Variants in TAF8 observed in about 807,000 individuals in gnomAD.
The protein encoded by TAF8 is transcription initiation factor TFIID subunit 8.
TAF8 carries 47 observed loss-of-function variants against 36.5 expected under a neutral mutation model. That is an observed-to-expected ratio of 1.29 (90% CI 1.02 to 1.64). The LOEUF (loss-of-function observed/expected upper bound fraction) is 1.64. Ranked by LOEUF, TAF8 falls within the 40% of genes most tolerant of loss-of-function variation. The pLI is 0.00. For synonymous variants in TAF8, 175 were observed against 159.5 expected (o/e 1.10, Z -0.73); for missense variants, 420 against 407.6 (o/e 1.03, Z -0.26).
chr6:42,050,839 G>T, intron 1 of TAF8: 1 of 999,796 alleles, frequency 1.0e-6, no homozygotes, highest in Non-Finnish European at 1.3e-6. Context: ...TTGGTCTGAA[G>T]ATGCCGTTTT....
chr6:42,080,559 A>G lies in TAF8; in HGVS notation c.*3014A>G. ...GGCTAATTTTTTTTGTATTTTTGGT[A>G]GAGACGGGGTTTCACCAGGTTGGCC... On this transcript the variant is annotated 3_prime_UTR_variant, in exon 9 of 9. Transcript: ENST00000372977. 1 of 500,408 alleles carries G rather than the reference A, an allele frequency of 2.0e-6. No individual in the cohort carries two copies. Among genetic ancestry groups the G allele is most frequent in the Non-Finnish European group, 2.6e-6 (1 of 387,352 alleles). 31.0% of individuals were successfully genotyped at this position (500,408 alleles called of 1,614,324 possible). A position where few individuals can be genotyped will look rare whatever the true frequency, so the allele number is the denominator to read the frequency against.
At chr6:42,054,502 C>T (rs1351112149) in intron 2 of TAF8, among the ~76,000 whole-genome samples, 1 of 152,192 alleles carries the variant, frequency 6.6e-6, no homozygotes, top group Non-Finnish European at 1.5e-5. Context: ...CCCCTCCATC[C>T]CCTGGTAACT....
intron 5 of TAF8, among the ~76,000 whole-genome samples, chr6:42,058,980 T>C (rs1259392018): frequency 1.3e-5 from 2 of 152,160 alleles, no homozygotes; most frequent in Non-Finnish European, 2.9e-5. Context: ...AGTTTTATTA[T>C]TACTCAAATC....
intron 2 of TAF8, among the ~76,000 whole-genome samples, chr6:42,054,302 G>C (rs776178534): frequency 6.6e-6 from 1 of 152,132 alleles, no homozygotes; most frequent in Non-Finnish European, 1.5e-5. Context: ...CAGAGAATAA[G>C]ACCTTTTTGT....
chr6:42,084,494 C>T (rs1221820236), downstream of TAF8, among the ~76,000 whole-genome samples: 2 of 152,132 alleles, frequency 1.3e-5, no homozygotes, highest in African/African-American at 4.8e-5. Context: ...GCTGGAGTCT[C>T]GCTCAGTCAC....
chr6:42,075,327 G>A (rs76562503), intron 7 of TAF8, among the ~76,000 whole-genome samples: 3,210 of 152,248 alleles, frequency 0.021, 111 homozygotes, highest in African/African-American at 0.071. Context: ...AGTGGCTCTG[G>A]GTCACCTTGT....
chr6:42,067,241 C>CA (rs1311428350), intron 6 of TAF8, among the ~76,000 whole-genome samples: 2 of 152,180 alleles, frequency 1.3e-5, no homozygotes, highest in African/African-American at 4.8e-5. Flanking sequence ...TTTTTTGAGA[C>CA]AGAGTCTTGC....
At chr6:42,084,709 T>C (rs554588964), downstream of TAF8, among the ~76,000 whole-genome samples, 153 of 152,274 alleles carry the variant, frequency 1.0e-3, 1 homozygote, top group Middle Eastern at 6.8e-3. Flanking sequence ...GTGATCCACC[T>C]GCCTCAGCCT....
rs1765917993 is a variant in TAF8 at position 42,081,251 on chromosome 6, A to G, written c.*3706A>G. 1 of 152,292 alleles carries G rather than the reference A, an allele frequency of 6.6e-6. No individual in the cohort carries two copies. The allele number at this position is 152,292 out of a possible 1,614,324, so 9.4% of individuals were successfully genotyped here. A position where few individuals can be genotyped will look rare whatever the true frequency, so the allele number is the denominator to read the frequency against. ...GAGTGCAATGGTGCAATCTTGGCCC[A>G]CTGCAACTTCTGCCTCCCGGGTTCA... On this transcript the variant is annotated 3_prime_UTR_variant, in exon 9 of 9. Transcript: ENST00000372977.
chr6:42,066,795 C>T (rs10428881), intron 6 of TAF8, among the ~76,000 whole-genome samples: 1,764 of 152,222 alleles, frequency 0.012, 31 homozygotes, highest in African/African-American at 0.04. Flanking sequence ...GATGTTCCCT[C>T]GTAGGTCCCA....
At chr6:42,073,319 A>T (rs1391891963) in intron 7 of TAF8, among the ~76,000 whole-genome samples, 1 of 152,262 alleles carries the variant, frequency 6.6e-6, no homozygotes, top group African/African-American at 2.4e-5. Context: ...AGTATGTGCC[A>T]GATATTTTTT....
At chr6:42,077,393 C>T in intron 8 of TAF8, 140 bp from the exon 9 acceptor site, 1 of 1,525,526 alleles carries the variant, frequency 6.6e-7, no homozygotes, top group South Asian at 1.3e-5. Flanking sequence ...TACTTGGCTC[C>T]CGTACATAGC....
At chr6:42,057,714 G>A in intron 5 of TAF8, 1 of 603,598 alleles carries the variant, frequency 1.7e-6, no homozygotes, top group Non-Finnish European at 2.8e-6. Context: ...GAGCCTGGGA[G>A]TTCAAGACCA....
intron 7 of TAF8, among the ~76,000 whole-genome samples, chr6:42,070,332 C>CAA (rs57498433): frequency 5.3e-5 from 8 of 150,214 alleles, no homozygotes; most frequent in East Asian, 3.9e-4. Flanking sequence ...ACTAAAAATA[C>CAA]AAAAAAAAAA....
chr6:42,080,834 A>G lies in TAF8; in HGVS notation c.*3289A>G. ...ATGGGACTTCTTAGAGGCCAAAAGTAGTAAACATGCAGATTAAAAATGTTT... is the reference window on the plus strand; with the variant it reads ...ATGGGACTTCTTAGAGGCCAAAAGTGGTAAACATGCAGATTAAAAATGTTT... On this transcript the variant is annotated 3_prime_UTR_variant, in exon 9 of 9. Transcript: ENST00000372977. 1.0e-6 allele frequency: 1 copy of G among 978,552 alleles called. No homozygotes were observed. The highest frequency in any genetic ancestry group is 1.2e-6 in the Non-Finnish European group (1 of 823,646). The allele number at this position is 978,552 out of a possible 1,614,324, so 60.6% of individuals were successfully genotyped here.
At chr6:42,076,927 C>G (rs936784949) in intron 7 of TAF8, among the ~76,000 whole-genome samples, 173 bp from the exon 8 acceptor site, 3 of 152,156 alleles carry the variant, frequency 2.0e-5, no homozygotes, top group African/African-American at 7.2e-5. Flanking sequence ...CCCTTCATAG[C>G]CAGCCCCTGC....
intron 3 of TAF8, 49 bp from the exon 4 acceptor site, chr6:42,055,903 T>C: frequency 8.2e-7 from 1 of 1,226,488 alleles, no homozygotes; most frequent in Non-Finnish European, 1.2e-6. Flanking sequence ...TCTTTCTGTA[T>C]TCAATATCCA....
intron 7 of TAF8, among the ~76,000 whole-genome samples, chr6:42,070,599 T>C (rs929283043): frequency 2.0e-5 from 3 of 152,214 alleles, no homozygotes; most frequent in African/African-American, 7.2e-5. Flanking sequence ...AGTGCAAATA[T>C]TGAACATTTC....
At chr6:42,072,718 T>C (rs531306498) in intron 7 of TAF8, among the ~76,000 whole-genome samples, 2 of 151,876 alleles carry the variant, frequency 1.3e-5, no homozygotes, top group Non-Finnish European at 2.9e-5. Context: ...AAATAACTGG[T>C]TTTTTTGTTT....
Sources: allele counts gnomAD v4.1 joint callset (sites outside exome capture counted in the v4.1 genomes callset), GRCh38; gene constraint gnomAD v4.1.1; transcripts MANE v1.5; gene names NCBI Gene and HGNC (gene_info 2026-07-23, HGNC 2026-07-21).